The following SV2C variants were observed in gnomAD, a reference collection of about 807,000 sequenced individuals.
SV2C encodes the protein synaptic vesicle glycoprotein 2C.
Under a neutral mutation model 79.7 loss-of-function variants are expected in SV2C, and 49 were observed. That is an observed-to-expected ratio of 0.61 (90% confidence interval 0.49 to 0.78). SV2C has a LOEUF of 0.78. SV2C is among the 30% of genes least tolerant of loss of function. The probability of loss-of-function intolerance (pLI) is 0.00; values close to 1 mark genes in which losing one functional copy is unlikely to be tolerated. For synonymous variants in SV2C, 334 were observed against 333.2 expected (o/e 1.00, Z -0.03); for missense variants, 833 against 912.9 (o/e 0.91, Z 1.13).
intron 1 of SV2C, among the ~76,000 whole-genome samples, chr5:76,113,947 C>G (rs1748175861): frequency 6.6e-6 from 1 of 152,082 alleles, no homozygotes; most frequent in South Asian, 2.1e-4. Context: ...CACATATATA[C>G]ACATACACAC....
At chr5:76,015,044 G>C in the SV2C span, among the ~76,000 whole-genome samples, 1 of 152,226 alleles carries the variant, frequency 6.6e-6, no homozygotes, top group South Asian at 2.1e-4. Flanking sequence ...AGTTTCCCTT[G>C]TAGTTAAGGT....
chr5:75,914,267 C>T, the SV2C span, among the ~76,000 whole-genome samples: 2 of 152,166 alleles, frequency 1.3e-5, no homozygotes. Flanking sequence ...TAAACATTTA[C>T]CAAATTTATT....
At chr5:75,852,611 G>C in the SV2C span, among the ~76,000 whole-genome samples, 1 of 152,084 alleles carries the variant, frequency 6.6e-6, no homozygotes, top group African/African-American at 2.4e-5. Flanking sequence ...AATGAAAGCT[G>C]AGAGAATATT....
intron 1 of SV2C, among the ~76,000 whole-genome samples, chr5:76,111,267 C>A (rs1385096880): frequency 6.6e-6 from 1 of 151,890 alleles, no homozygotes; most frequent in Non-Finnish European, 1.5e-5. Flanking sequence ...TTTTTTAATG[C>A]CCTTTGAATT....
chr5:76,077,724 A>G, the SV2C span, among the ~76,000 whole-genome samples: 1 of 152,220 alleles, frequency 6.6e-6, no homozygotes, highest in Admixed American at 6.5e-5. Context: ...CATTTGGTCA[A>G]GACTACAATG....
intron 4 of SV2C, among the ~76,000 whole-genome samples, chr5:76,257,461 G>A (rs1579994401): frequency 8.0e-6 from 1 of 124,662 alleles, no homozygotes; most frequent in Admixed American, 8.3e-5. Flanking sequence ...TGTAGTGTGG[G>A]GGATAGCGGT....
chr5:76,267,840 C>T (rs929706893), intron 4 of SV2C, among the ~76,000 whole-genome samples: 7 of 152,216 alleles, frequency 4.6e-5, no homozygotes, highest in Admixed American at 6.5e-5. Context: ...AGGGACATCA[C>T]ATTGACAGTG....
chr5:76,348,004 C>T (rs1749574504), intron 12 of SV2C, among the ~76,000 whole-genome samples: 1 of 152,154 alleles, frequency 6.6e-6, no homozygotes, highest in Admixed American at 6.5e-5. Context: ...AGTATAATGA[C>T]ATGTATCCAC....
intron 1 of SV2C, among the ~76,000 whole-genome samples, chr5:76,117,856 A>G (rs1748328515): frequency 6.6e-6 from 1 of 152,218 alleles, no homozygotes; most frequent in Non-Finnish European, 1.5e-5. Flanking sequence ...AGCAGAAAAC[A>G]TGAACAAAGA....
chr5:76,168,794 C>T (rs1455560879), intron 2 of SV2C, among the ~76,000 whole-genome samples: 1 of 152,178 alleles, frequency 6.6e-6, no homozygotes, highest in Non-Finnish European at 1.5e-5. Flanking sequence ...GTTCTGACAT[C>T]ATGTTCCAGG....
chr5:76,235,349 T>G (rs969510455), intron 4 of SV2C, among the ~76,000 whole-genome samples: 2 of 152,182 alleles, frequency 1.3e-5, no homozygotes, highest in Admixed American at 6.5e-5. Context: ...CTGGTTATGT[T>G]ATGGATTTTT....
intron 4 of SV2C, among the ~76,000 whole-genome samples, chr5:76,248,759 C>A (rs1198635336): frequency 6.6e-6 from 1 of 152,042 alleles, no homozygotes; most frequent in African/African-American, 2.4e-5. Flanking sequence ...GCTGGGATTA[C>A]AAGCATGCAC....
At chr5:75,985,883 G>T in the SV2C span, among the ~76,000 whole-genome samples, 452 of 151,672 alleles carry the variant, frequency 3.0e-3, 1 homozygote, top group African/African-American at 0.01. Context: ...ACAGCTTATT[G>T]TTAGTTTTGG....
At chr5:75,953,848 T>A in the SV2C span, among the ~76,000 whole-genome samples, 1 of 151,998 alleles carries the variant, frequency 6.6e-6, no homozygotes, top group Admixed American at 6.6e-5. Flanking sequence ...TCTTGGCTGC[T>A]TTCTCTTTTT....
intron 4 of SV2C, among the ~76,000 whole-genome samples, chr5:76,250,831 C>T (rs940632582): frequency 1.3e-5 from 2 of 152,018 alleles, no homozygotes; most frequent in Non-Finnish European, 2.9e-5. Context: ...TCTCAATGGA[C>T]GTTTTTTTTT....
the SV2C span, among the ~76,000 whole-genome samples, chr5:76,061,034 G>C: frequency 1.3e-5 from 2 of 151,912 alleles, no homozygotes; most frequent in Non-Finnish European, 2.9e-5. Context: ...AACATTTATT[G>C]ATTAAGTTTG....
chr5:75,952,130 CTT>C, the SV2C span, among the ~76,000 whole-genome samples: 1 of 151,898 alleles, frequency 6.6e-6, no homozygotes, highest in African/African-American at 2.4e-5. Flanking sequence ...AATATTCTAA[CTT>C]ATTTTTAGTG....
At position 76,132,269 on chromosome 5, in the gene SV2C, C is replaced by T. The variant is rs772389066; in HGVS notation, c.519C>T (p.Gly173=). ...ACGGTGTAGAGGTGTTTGTCGTTGG[C>T]TTCGTGTTACCCAGTGCTGAGACAG... ...MADGVEVFVV[G]FVLPSAETDL... The change falls in exon 2 of 13, where the codon GGC becomes GGT. Residue 173 remains glycine, a synonymous_variant. Coordinates refer to ENST00000502798, the MANE Select transcript of SV2C (RefSeq NM_014979.4). 3 of 1,614,018 alleles carry T rather than the reference C, an allele frequency of 1.9e-6. No individual in the cohort carries two copies. The highest frequency in any genetic ancestry group is 1.1e-5 in the South Asian group (1 of 91,080).
At chr5:76,088,602 C>G (rs529058466) in intron 1 of SV2C, among the ~76,000 whole-genome samples, 1 of 152,306 alleles carries the variant, frequency 6.6e-6, no homozygotes, top group South Asian at 2.1e-4. Flanking sequence ...GGCCTCACCT[C>G]TTAATACTAT....
Sources: gnomAD v4.1 joint callset for allele counts (sites outside exome capture counted in the v4.1 genomes callset) on GRCh38, gnomAD v4.1.1 for gene constraint, MANE v1.5 for transcripts, NCBI Gene and HGNC (gene_info 2026-07-23, HGNC 2026-07-21) for gene names.